DACH1: variants seen among roughly 807,000 people sequenced by gnomAD.
DACH1 encodes dachshund homolog 1.
In DACH1, 12 loss-of-function variants were observed where a neutral mutation model predicts 54.2. The ratio of observed to expected loss-of-function variants is 0.22; its 90% CI spans 0.14 to 0.36. DACH1 has a LOEUF of 0.36. Ranked by LOEUF, DACH1 falls within the 10% of genes least tolerant of loss-of-function variation. The pLI is 1.00. For synonymous variants in DACH1, 386 were observed against 366.2 expected (o/e 1.05, Z -0.62); for missense variants, 805 against 929.8 (o/e 0.87, Z 1.75).
At chr13:71,662,268 T>C (rs1178949482) in intron 2 of DACH1, among the ~76,000 whole-genome samples, 2 of 152,034 alleles carry the variant, frequency 1.3e-5, no homozygotes, top group African/African-American at 4.8e-5. Flanking sequence ...AAACATCAAA[T>C]ACTATTGTTA....
rs777780122 is a variant in DACH1, at chr13:71,557,010, T to A, written c.1570+14A>T. 16 of 1,587,822 alleles carry A rather than the reference T, an allele frequency of 1.0e-5. No homozygotes were observed. The African/African-American group carries it at 2.2e-4, about 22-fold the overall frequency. ...TGAATCGGGAAAAACAAGGAATATA[T>A]AATCATACATTACCTTTTTCAATAT... is the stretch of plus-strand genomic sequence containing the variant. On this transcript the variant is annotated intron_variant, in intron 6 of 10. Transcript: ENST00000613252.
intron 1 of DACH1, among the ~76,000 whole-genome samples, chr13:71,703,989 T>A (rs895781396): frequency 6.6e-6 from 1 of 152,196 alleles, no homozygotes; most frequent in African/African-American, 2.4e-5. Context: ...AAAATTTTAC[T>A]GAGTTCAAAA....
At chr13:71,661,885 G>C (rs1879515950) in intron 2 of DACH1, among the ~76,000 whole-genome samples, 1 of 151,782 alleles carries the variant, frequency 6.6e-6, no homozygotes. Context: ...CCTGCCTTCT[G>C]GAACAATGGA....
chr13:71,568,741 G>T (rs1470266323), intron 4 of DACH1, among the ~76,000 whole-genome samples: 1 of 151,924 alleles, frequency 6.6e-6, no homozygotes, highest in Non-Finnish European at 1.5e-5. Flanking sequence ...CCATTATGGG[G>T]GAAGCTGAAT....
intron 3 of DACH1, among the ~76,000 whole-genome samples, chr13:71,579,529 T>C (rs929802050): frequency 1.3e-5 from 2 of 152,170 alleles, no homozygotes; most frequent in South Asian, 2.1e-4. Flanking sequence ...CTAAAAACAA[T>C]GGCTTCTTTA....
intron 6 of DACH1, among the ~76,000 whole-genome samples, chr13:71,523,298 C>G (rs1216592737): frequency 1.3e-5 from 2 of 152,088 alleles, no homozygotes; most frequent in African/African-American, 4.8e-5. Context: ...TGCTTTTTCT[C>G]CAGCTACAAC....
intron 3 of DACH1, among the ~76,000 whole-genome samples, chr13:71,625,574 G>A (rs1876585804): frequency 6.6e-6 from 1 of 151,916 alleles, no homozygotes; most frequent in Non-Finnish European, 1.5e-5. Context: ...TTGAGGAATA[G>A]AAGAACTAAG....
intron 1 of DACH1, among the ~76,000 whole-genome samples, chr13:71,693,446 G>GCGCC (rs1353707638): frequency 4.7e-5 from 7 of 148,100 alleles, no homozygotes; most frequent in Admixed American, 4.0e-4. Flanking sequence ...GGGACTATAG[G>GCGCC]TGCTCACCAC....
rs369734188 is a variant in DACH1, at chr13:71,557,032, A to G, written c.1562T>C (p.Ile521Thr). 17 of 1,598,324 alleles carry G rather than the reference A, an allele frequency of 1.1e-5. No individual in the cohort carries two copies. The highest frequency in any genetic ancestry group is 9.0e-5 in the South Asian group (8 of 88,516). The change falls in exon 6 of 11, where the codon ATT (isoleucine) becomes ACT (threonine). Residue 521 changes from isoleucine to threonine, a missense_variant. Physicochemically the swap from Ile to Thr is moderately conservative, Grantham distance 89. Coordinates refer to ENST00000613252, the MANE Select transcript of DACH1 (RefSeq NM_080759.6). ...ATATAATCATACATTACCTTTTTCA[A>G]TATGCATCCTTTTTGACTCATGTCC... ...DMGHESKRMH[I>T]EKDETPLSTP...
chr13:71,759,923 C>T (rs1195116402), intron 1 of DACH1, among the ~76,000 whole-genome samples: 1 of 152,114 alleles, frequency 6.6e-6, no homozygotes, highest in Non-Finnish European at 1.5e-5. Flanking sequence ...AAAAATGAGT[C>T]CTCACAATGT....
intron 10 of DACH1, among the ~76,000 whole-genome samples, chr13:71,446,037 T>C (rs1039944254): frequency 1.3e-5 from 2 of 152,314 alleles, no homozygotes; most frequent in African/African-American, 4.8e-5. Flanking sequence ...CCATGGGCCA[T>C]GGAGAAGACT....
At chr13:71,592,052 G>A (rs1219320150) in intron 3 of DACH1, among the ~76,000 whole-genome samples, 1 of 152,120 alleles carries the variant, frequency 6.6e-6, no homozygotes, top group Admixed American at 6.5e-5. Context: ...TAAAAGTTAG[G>A]TGTGGCTGTC....
Position 71,559,558 on chromosome 13 carries a change from G to A in DACH1, c.1435+262C>T, listed in dbSNP as rs965079265. ...TTTACTTCAGAAACCAATCTAAACGGTTACTTATTTTCTCTGTTTCATAGC... is the reference window on the plus strand; with the variant it reads ...TTTACTTCAGAAACCAATCTAAACGATTACTTATTTTCTCTGTTTCATAGC... On this transcript the variant is annotated intron_variant, in intron 5 of 10. Transcript: ENST00000613252. Among the ~76,000 whole-genome samples, 11 of 152,174 alleles carry A rather than the reference G, an allele frequency of 7.2e-5. No individual in the cohort carries two copies. In the East Asian group the frequency reaches 2.1e-3, roughly 29 times the overall value.
intron 6 of DACH1, among the ~76,000 whole-genome samples, chr13:71,497,834 G>C (rs989455056): frequency 6.6e-6 from 1 of 150,392 alleles, no homozygotes; most frequent in Non-Finnish European, 1.5e-5. Flanking sequence ...TCTTCAGGTG[G>C]CAGGACCTAG....
intron 10 of DACH1, among the ~76,000 whole-genome samples, chr13:71,456,844 C>A (rs991312244): frequency 1.3e-5 from 2 of 152,006 alleles, no homozygotes; most frequent in African/African-American, 4.8e-5. Flanking sequence ...AGCTGTATAG[C>A]CATCTGTAAC....
At chr13:71,820,105 GAAAAAAAAAAAA>G (rs59126150) in intron 1 of DACH1, among the ~76,000 whole-genome samples, 2,205 of 54,192 alleles carry the variant, frequency 0.041, 78 homozygotes, top group African/African-American at 0.13. Context: ...TGCCTCTACC[GAAAAAAAAAAAA>G]AAAAAAAAAA....
chr13:71,838,381 A>G (rs1191195181), intron 1 of DACH1, among the ~76,000 whole-genome samples: 1 of 152,198 alleles, frequency 6.6e-6, no homozygotes, highest in Non-Finnish European at 1.5e-5. Context: ...AGCTTTGTAC[A>G]TTGGTTTTGA....
intron 3 of DACH1, among the ~76,000 whole-genome samples, chr13:71,623,472 G>A (rs898154141): frequency 1.3e-5 from 2 of 151,452 alleles, no homozygotes; most frequent in Admixed American, 6.6e-5. Context: ...AGAAAAAGTG[G>A]CATCATCCTT....
At chr13:71,440,999 T>C in intron 10 of DACH1, among the ~76,000 whole-genome samples, 1 of 152,008 alleles carries the variant, frequency 6.6e-6, no homozygotes, top group East Asian at 1.9e-4. Flanking sequence ...GCAAAGTTAG[T>C]TGATTTCTGT....
Sources: allele counts gnomAD v4.1 joint callset (sites outside exome capture counted in the v4.1 genomes callset), GRCh38; gene constraint gnomAD v4.1.1; transcripts MANE v1.5; gene names NCBI Gene and HGNC (gene_info 2026-07-23, HGNC 2026-07-21).